Variants in NOTCH2 observed in about 807,000 individuals in gnomAD.
NOTCH2 encodes notch receptor 2, also known as neurogenic locus notch homolog protein 2.
In NOTCH2, 29 loss-of-function variants were observed where a neutral mutation model predicts 235.8. That is an observed-to-expected ratio of 0.12 (90% CI 0.09 to 0.17). The LOEUF (loss-of-function observed/expected upper bound fraction) is 0.17. Among genes scored for constraint, NOTCH2 ranks in the 10% least tolerant of loss-of-function variants. The pLI is 1.00. For missense variants in NOTCH2, 2,285 were observed against 3,150.2 expected, an observed-to-expected ratio of 0.73 and a Z score of 6.57; for synonymous variants, 1,086 against 1,141.5, an observed-to-expected ratio of 0.95 and a Z score of 0.98.
chr1:119,916,056 G>A lies in NOTCH2; in HGVS notation c.6666C>T (p.Ser2222=), dbSNP rs2101143410. The change falls in exon 34 of 34, where the codon AGC becomes AGT. Residue 2222 remains serine (S), a synonymous_variant. Transcript: ENST00000256646. ...HGASTVLPSV[S]QLLSHHHIVS... Reference sequence around the variant, plus strand: ...CAATGTGGTGGTGGGATAGCAACTGGCTCACTGAGGGAAGCACAGTGCTGG... The same window carrying A: ...CAATGTGGTGGTGGGATAGCAACTGACTCACTGAGGGAAGCACAGTGCTGG... The A allele has an allele frequency of 6.2e-7, 1 of 1,613,838 alleles. No homozygotes were observed. The highest frequency in any genetic ancestry group is 8.5e-7 in the Non-Finnish European group (1 of 1,180,042).
chr1:119,913,203 T>C lies in NOTCH2; in HGVS notation c.*2103A>G. The C allele has an allele frequency of 8.6e-6, 2 of 233,196 alleles. No homozygotes were observed. Among genetic ancestry groups the C allele is most frequent in the East Asian group, 6.0e-5 (1 of 16,610 alleles). 14.4% of individuals were successfully genotyped at this position (233,196 alleles called of 1,614,324 possible). On this transcript the variant is annotated 3_prime_UTR_variant, in exon 34 of 34. Coordinates refer to ENST00000256646, the MANE Select transcript of NOTCH2 (RefSeq NM_024408.4). ...AAGAGGCTGACAGAATGTTGCCACA[T>C]GGAGAGAATAAAGCAGAGAATGAAC...
At chr1:119,975,004 G>A (rs1370829990) in intron 5 of NOTCH2, among the ~76,000 whole-genome samples, 1 of 152,116 alleles carries the variant, frequency 6.6e-6, no homozygotes, top group Non-Finnish European at 1.5e-5. Context: ...TCATTTTACA[G>A]ATGAGGAAAC....
At chr1:119,974,141 A>G (rs1651472629) in intron 5 of NOTCH2, among the ~76,000 whole-genome samples, 1 of 152,202 alleles carries the variant, frequency 6.6e-6, no homozygotes, top group South Asian at 2.1e-4. Context: ...GGAGAGCTGT[A>G]TTGTTTCCAT....
Position 120,024,778 on chromosome 1 carries a change from G to A in NOTCH2, c.155+5128C>T, listed in dbSNP as rs1296390983. Among the ~76,000 whole-genome samples, 7 of 152,282 alleles carry A rather than the reference G, an allele frequency of 4.6e-5. No individual in the cohort carries two copies. In the East Asian group the frequency reaches 5.8e-4, roughly 13 times the overall value. On this transcript the variant is annotated intron_variant, in intron 2 of 33. Transcript: ENST00000256646. ...CTTTCTGCTGTTTTACAAACACTAC[G>A]TTAGATATTTACCAAGTGGTATGTA...
At chr1:119,941,447 T>C in intron 18 of NOTCH2, 79 bp downstream of exon 18, 1 of 1,012,426 alleles carries the variant, frequency 9.9e-7, no homozygotes, top group South Asian at 1.3e-5. Flanking sequence ...TCCACAATTC[T>C]AGCATTGTGC....
At chr1:119,962,123 T>C (rs1553199061) in intron 11 of NOTCH2, among the ~76,000 whole-genome samples, 1 of 152,156 alleles carries the variant, frequency 6.6e-6, no homozygotes, top group African/African-American at 2.4e-5. Flanking sequence ...TCATATTGAC[T>C]TCTCACCTTC....
Position 119,913,594 on chromosome 1 carries a change from C to T in NOTCH2, c.*1712G>A. ...GAAGAGGAAGAAAACTATTCTTTAT[C>T]TACAATTAACTAAAATGCTTCTGCC... On this transcript the variant is annotated 3_prime_UTR_variant, in exon 34 of 34. Coordinates refer to ENST00000256646, the MANE Select transcript of NOTCH2 (RefSeq NM_024408.4). The T allele has an allele frequency of 4.3e-6, 1 of 233,290 alleles. No individual in the cohort carries two copies. The highest frequency in any genetic ancestry group is 8.5e-6 in the Non-Finnish European group (1 of 118,062). The allele number at this position is 233,290 out of a possible 1,614,324, so 14.5% of individuals were successfully genotyped here.
intron 5 of NOTCH2, 92 bp downstream of exon 5, chr1:119,986,868 T>G: frequency 6.4e-7 from 1 of 1,553,258 alleles, no homozygotes; most frequent in Non-Finnish European, 8.8e-7. Flanking sequence ...AGAGCAGGCC[T>G]AAGATATTTG....
intron 1 of NOTCH2, 98 bp downstream of exon 1, chr1:120,069,236 C>G: frequency 4.6e-6 from 7 of 1,527,080 alleles, no homozygotes; most frequent in Non-Finnish European, 6.1e-6. Flanking sequence ...GGCGGCCGAG[C>G]CTGGCCTTCC....
chr1:120,006,672 G>A (rs1553206344), intron 2 of NOTCH2, among the ~76,000 whole-genome samples: 2 of 148,538 alleles, frequency 1.3e-5, no homozygotes, highest in Admixed American at 1.4e-4. Flanking sequence ...TAGTTTTCAG[G>A]GACTAGAAAA....
chr1:119,960,017 G>A (rs782142601), intron 11 of NOTCH2, among the ~76,000 whole-genome samples: 1 of 152,302 alleles, frequency 6.6e-6, no homozygotes. Flanking sequence ...AAGTATGAGA[G>A]TTGTCTCCAG....
At chr1:119,920,498 G>A (rs2101151859) in intron 29 of NOTCH2, 101 bp from the exon 30 acceptor site, 1 of 1,311,860 alleles carries the variant, frequency 7.6e-7, no homozygotes, top group South Asian at 1.2e-5. Context: ...ATCTCCCATT[G>A]TTTTCTCTCT....
At chr1:120,029,321 C>T (rs1465903856) in intron 2 of NOTCH2, among the ~76,000 whole-genome samples, 1 of 151,556 alleles carries the variant, frequency 6.6e-6, no homozygotes, top group Non-Finnish European at 1.5e-5. Flanking sequence ...CTGAAAAACA[C>T]AAGGGAATCT....
At chr1:119,955,365 T>A (rs1294704119) in intron 12 of NOTCH2, 133 bp from the exon 13 acceptor site, 11 of 829,166 alleles carry the variant, frequency 1.3e-5, no homozygotes, top group Non-Finnish European at 1.8e-5. Context: ...AATGTCAAGA[T>A]GTAAGGAATT....
intron 10 of NOTCH2, among the ~76,000 whole-genome samples, chr1:119,965,205 A>G (rs1169226884): frequency 6.6e-6 from 1 of 152,256 alleles, no homozygotes; most frequent in Non-Finnish European, 1.5e-5. Context: ...TACTGCTGCC[A>G]AAATCTGTCC....
At chr1:120,033,458 T>A in intron 1 of NOTCH2, among the ~76,000 whole-genome samples, 2 of 98,722 alleles carry the variant, frequency 2.0e-5, no homozygotes, top group East Asian at 3.2e-4. Flanking sequence ...GGTAGATATA[T>A]ACAATGGAAT....
At chr1:119,945,527 A>T (rs1439939442) in intron 17 of NOTCH2, among the ~76,000 whole-genome samples, 1 of 152,132 alleles carries the variant, frequency 6.6e-6, no homozygotes, top group Non-Finnish European at 1.5e-5. Context: ...AAGGATTTTT[A>T]AAAACACACT....
intron 11 of NOTCH2, among the ~76,000 whole-genome samples, chr1:119,963,164 G>GAAGA (rs1651003256): frequency 1.2e-5 from 1 of 81,932 alleles, no homozygotes; most frequent in African/African-American, 4.2e-5. Flanking sequence ...GGGAAGAAGG[G>GAAGA]AAGAAGGAAG....
At chr1:120,035,219 C>T (rs1163740910) in intron 1 of NOTCH2, among the ~76,000 whole-genome samples, 13 of 151,022 alleles carry the variant, frequency 8.6e-5, no homozygotes, top group African/African-American at 3.2e-4. Flanking sequence ...TAACATGTTG[C>T]CCCACTACTT....
Sources: gnomAD v4.1 joint callset for allele counts (sites outside exome capture counted in the v4.1 genomes callset) on GRCh38, gnomAD v4.1.1 for gene constraint, MANE v1.5 for transcripts, NCBI Gene and HGNC (gene_info 2026-07-23, HGNC 2026-07-21) for gene names.